Variants in FAT4 observed in about 807,000 individuals in gnomAD.
FAT4 encodes protocadherin Fat 4.
A neutral mutation model predicts 303.9 loss-of-function variants in FAT4; 84 were observed. That is an observed-to-expected ratio of 0.28 (90% CI 0.23 to 0.33). FAT4 has a LOEUF of 0.33. Among genes scored for constraint, FAT4 ranks in the 10% least tolerant of loss-of-function variants. The pLI is 1.00. For synonymous variants in FAT4, 2,307 were observed against 2,298.8 expected (o/e 1.00, Z -0.10); for missense variants, 6,005 against 6,146.8 (o/e 0.98, Z 0.77).
At chr4:125,356,537 G>GTT (rs1432744389) in intron 2 of FAT4, among the ~76,000 whole-genome samples, 44 of 118,710 alleles carry the variant, frequency 3.7e-4, no homozygotes, top group African/African-American at 1.2e-3. Context: ...GATATAGGGT[G>GTT]TTTTGTTTTT....
intron 8 of FAT4, among the ~76,000 whole-genome samples, chr4:125,442,058 A>G (rs1725678916): frequency 6.6e-6 from 1 of 152,228 alleles, no homozygotes; most frequent in African/African-American, 2.4e-5. Flanking sequence ...AACAGAGAAT[A>G]TATGACCTGT....
chr4:125,391,765 A>C (rs1509292), intron 2 of FAT4, among the ~76,000 whole-genome samples: 65,805 of 152,082 alleles, frequency 0.43, 15,727 homozygotes, highest in Non-Finnish European at 0.56. Flanking sequence ...GTTCCCACAC[A>C]AAAACTAGGA....
chr4:125,483,402 G>A (rs758714585), intron 16 of FAT4, among the ~76,000 whole-genome samples: 13 of 152,008 alleles, frequency 8.6e-5, no homozygotes, highest in Admixed American at 2.6e-4. Flanking sequence ...CCAAGTCTTC[G>A]TGCCATTTAA....
chr4:125,461,969 A>G (rs1726498641), intron 10 of FAT4, among the ~76,000 whole-genome samples: 1 of 152,004 alleles, frequency 6.6e-6, no homozygotes, highest in Non-Finnish European at 1.5e-5. Context: ...TACAATACTT[A>G]AAACCTGATT....
At chr4:125,395,872 G>A (rs753052359) in intron 2 of FAT4, among the ~76,000 whole-genome samples, 95 of 152,038 alleles carry the variant, frequency 6.2e-4, no homozygotes, top group Middle Eastern at 3.4e-3. Context: ...AGACTTTTCC[G>A]TATTTGAAAT....
chr4:125,490,022 C>A lies in FAT4; in HGVS notation c.13206C>A (p.Gly4402=), dbSNP rs200101519. The change falls in exon 18 of 18, where the codon GGC becomes GGA. Residue 4402 remains glycine (G), a synonymous_variant. Transcript: ENST00000394329. ...TDPSVKIGCR[G]PNICASNPCW... ...CCTCAGTGAAGATTGGCTGCCGTGG[C>A]CCGAACATTTGTGCCAGCAACCCCT... The A allele has an allele frequency of 3.0e-4, 489 of 1,613,858 alleles. No individual in the cohort carries two copies. Among genetic ancestry groups the A allele is most frequent in the Non-Finnish European group, 4.0e-4 (472 of 1,180,008 alleles).
chr4:125,428,294 G>C (rs1250952466), intron 7 of FAT4, among the ~76,000 whole-genome samples: 1 of 151,480 alleles, frequency 6.6e-6, no homozygotes, highest in Non-Finnish European at 1.5e-5. Context: ...GCGAAACTCC[G>C]TCTCAAAAAA....
At chr4:125,482,015 T>G (rs1396548589) in intron 16 of FAT4, among the ~76,000 whole-genome samples, 1 of 152,194 alleles carries the variant, frequency 6.6e-6, no homozygotes, top group East Asian at 1.9e-4. Flanking sequence ...TTGCAATCTA[T>G]TTTTCTGGTA....
intron 17 of FAT4, 124 bp downstream of exon 17, chr4:125,487,730 A>G: frequency 1.1e-6 from 1 of 930,472 alleles, no homozygotes; most frequent in Non-Finnish European, 1.5e-6. Context: ...ATTTCATTCA[A>G]TAAAATTTAT....
At chr4:125,389,651 G>A (rs1009694668) in intron 2 of FAT4, among the ~76,000 whole-genome samples, 1 of 152,088 alleles carries the variant, frequency 6.6e-6, no homozygotes, top group African/African-American at 2.4e-5. Flanking sequence ...CATAGAATGA[G>A]TTGGTAGGTC....
chr4:125,468,929 T>G (rs1421449851), intron 12 of FAT4, 110 bp downstream of exon 12: 1 of 1,187,948 alleles, frequency 8.4e-7, no homozygotes. Context: ...ATGAACACTT[T>G]AGTTATGAAA....
Position 125,490,513 on chromosome 4 carries a change from C to T in FAT4, c.13697C>T (p.Pro4566Leu). The T allele has an allele frequency of 4.3e-6, 7 of 1,614,112 alleles. No homozygotes were observed. Among genetic ancestry groups the T allele is most frequent in the Non-Finnish European group, 5.9e-6 (7 of 1,180,028 alleles). ...TTTGATGACCCTGACAATATCCCTC[C>T]CTATGGGGATGACATGACTGTGAGG... ...VAFDDPDNIP[P>L]YGDDMTVRKQ... is the part of the protein sequence containing the mutation. The change falls in exon 18 of 18, where the codon CCC becomes CTC. Residue 4566 changes from proline (P) to leucine (L), a missense_variant. Physicochemically the swap from Pro to Leu is moderately conservative, Grantham distance 98. Transcript: ENST00000394329.
intron 5 of FAT4, among the ~76,000 whole-genome samples, chr4:125,409,660 T>G (rs925179744): frequency 6.6e-6 from 1 of 152,238 alleles, no homozygotes; most frequent in African/African-American, 2.4e-5. Context: ...ATTTATACTT[T>G]ACATGTGTTT....
intron 17 of FAT4, among the ~76,000 whole-genome samples, chr4:125,487,909 GT>G (rs1391520213): frequency 6.6e-6 from 1 of 152,078 alleles, no homozygotes; most frequent in Non-Finnish European, 1.5e-5. Context: ...TGCTTTGCTT[GT>G]CCACCAAGCA....
At chr4:125,431,127 A>G (rs1725269435) in intron 7 of FAT4, among the ~76,000 whole-genome samples, 1 of 152,244 alleles carries the variant, frequency 6.6e-6, no homozygotes, top group Admixed American at 6.5e-5. Flanking sequence ...TGAGTCAGTC[A>G]TAATTTAATG....
At chr4:125,327,793 G>T (rs557437343) in intron 2 of FAT4, among the ~76,000 whole-genome samples, 1 of 152,080 alleles carries the variant, frequency 6.6e-6, no homozygotes, top group African/African-American at 2.4e-5. Context: ...ATCTGCTCTA[G>T]GAATAGTTTT....
Position 125,487,501 on chromosome 4 carries a change from A to T in FAT4, c.12979A>T (p.Asn4327Tyr). 6.2e-7 allele frequency: 1 copy of T among 1,614,128 alleles called. No homozygotes were observed. Among genetic ancestry groups the T allele is most frequent in the Non-Finnish European group, 8.5e-7 (1 of 1,179,974 alleles). The change falls in exon 17 of 18, where the codon AAC becomes TAC. Residue 4327 changes from asparagine to tyrosine, a missense_variant. By Grantham distance (143) the Asn-to-Tyr change is moderately radical. Transcript: ENST00000394329. ...AGTATTGTCTGTTGACAGAATATAT[A>T]ACAGAGATATTATCCACCCTACTCA... ...ATVLSVDRIY[N>Y]RDIIHPTQDF... is the part of the protein sequence containing the mutation.
At chr4:125,399,890 C>T (rs969300896) in intron 3 of FAT4, among the ~76,000 whole-genome samples, 1 of 151,844 alleles carries the variant, frequency 6.6e-6, no homozygotes, top group Admixed American at 6.6e-5. Flanking sequence ...ATTTAGCTAG[C>T]TTTAAAAGAG....
At chr4:125,485,698 AC>A (rs1727385267) in intron 16 of FAT4, among the ~76,000 whole-genome samples, 1 of 152,232 alleles carries the variant, frequency 6.6e-6, no homozygotes, top group Non-Finnish European at 1.5e-5. Context: ...GATTAAAAAA[AC>A]GGTGTAGTAA....
Sources: allele counts gnomAD v4.1 joint callset (sites outside exome capture counted in the v4.1 genomes callset), GRCh38; gene constraint gnomAD v4.1.1; transcripts MANE v1.5; gene names NCBI Gene and HGNC (gene_info 2026-07-23, HGNC 2026-07-21).